The following CCDC7 variants were observed in gnomAD, a reference collection of about 807,000 sequenced individuals.
CCDC7 encodes the protein coiled-coil domain containing 7, also known as coiled-coil domain-containing protein 7.
CCDC7 carries 183 observed loss-of-function variants against 196.9 expected under a neutral mutation model. The ratio of observed to expected loss-of-function variants is 0.93; its 90% confidence interval spans 0.82 to 1.05. The LOEUF (loss-of-function observed/expected upper bound fraction) is 1.05, where lower values mean the gene tolerates loss of function less well. Among genes scored for constraint, CCDC7 ranks in the 50% least tolerant of loss-of-function variants. CCDC7 has a pLI of 0.00. For missense variants in CCDC7, 1,540 were observed against 1,482.2 expected (o/e 1.04, Z -0.64); for synonymous variants, 525 against 484.6 (o/e 1.08, Z -1.10).
At chr10:32,733,518 A>G (rs2084341602) in intron 28 of CCDC7, among the ~76,000 whole-genome samples, 1 of 152,126 alleles carries the variant, frequency 6.6e-6, no homozygotes. Context: ...ATAATTTTCA[A>G]TATCATTGAT....
chr10:32,831,895 A>G (rs2092221837), intron 32 of CCDC7, among the ~76,000 whole-genome samples: 1 of 152,224 alleles, frequency 6.6e-6, no homozygotes, highest in East Asian at 1.9e-4. Flanking sequence ...TATATAAAAC[A>G]GTAACATAGC....
intron 29 of CCDC7, among the ~76,000 whole-genome samples, chr10:32,792,704 G>A (rs1418080630): frequency 6.6e-6 from 1 of 152,156 alleles, no homozygotes; most frequent in Non-Finnish European, 1.5e-5. Context: ...GGAGGCTGAG[G>A]CAGGAGAATC....
At chr10:32,580,456 T>C (rs1323129674) in intron 16 of CCDC7, among the ~76,000 whole-genome samples, 1 of 152,136 alleles carries the variant, frequency 6.6e-6, no homozygotes, top group Non-Finnish European at 1.5e-5. Flanking sequence ...AATATTTTGA[T>C]CAACATTAAT....
Position 32,603,585 on chromosome 10 carries a change from CT to C in CCDC7, c.1801+19294del, listed in dbSNP as rs34143127. The stretch of plus-strand genomic sequence containing the variant: ...TTCCCACCAGCCATGTGTGATAGTT[CT>C]TTTTTTTTTTTTACATCTTTGACAG... On this transcript the variant is annotated intron_variant, in intron 18 of 41. Coordinates refer to ENST00000639629, the Ensembl canonical transcript of CCDC7. 1.3e-3 allele frequency among the ~76,000 whole-genome samples: 181 copies of C among 142,850 alleles called. 1 individual carries two copies. In the East Asian group the frequency reaches 0.024, roughly 19 times the overall value. The allele number at this position is 142,850 out of a possible 152,430, so 93.7% of individuals were successfully genotyped here.
intron 16 of CCDC7, among the ~76,000 whole-genome samples, chr10:32,572,862 G>A (rs1284801940): frequency 1.4e-5 from 2 of 142,856 alleles, no homozygotes; most frequent in East Asian, 4.1e-4. Context: ...GCAAAAGCAT[G>A]GTGCTTTTTT....
chr10:32,862,836 A>G (rs1366077045), intron 41 of CCDC7, among the ~76,000 whole-genome samples: 4 of 152,130 alleles, frequency 2.6e-5, no homozygotes, highest in Non-Finnish European at 5.9e-5. Context: ...TCAACATACA[A>G]AAATCAGATA....
rs1188171556 is a variant in CCDC7, at chr10:32,525,244, TA to T, written c.993+6749del. On this transcript the variant is annotated intron_variant, in intron 11 of 41. Transcript: ENST00000639629. ...ATGTACCCTAGAACTTAAAGCATAATAAAAAAAAAAGAAAAGAAAAAAAAAC... is the reference window on the plus strand; with the variant it reads ...ATGTACCCTAGAACTTAAAGCATAATAAAAAAAAAGAAAAGAAAAAAAAAC... Among the ~76,000 whole-genome samples, 52 of 144,636 alleles carry T rather than the reference TA, an allele frequency of 3.6e-4. No individual in the cohort carries two copies. The Middle Eastern group carries it at 0.011, about 29-fold the overall frequency. 94.9% of individuals were successfully genotyped at this position (144,636 alleles called of 152,430 possible).
intron 21 of CCDC7, among the ~76,000 whole-genome samples, chr10:32,682,086 T>A (rs1309454402): frequency 6.6e-6 from 1 of 152,176 alleles, no homozygotes; most frequent in Non-Finnish European, 1.5e-5. Flanking sequence ...TATTGTGTAT[T>A]GCTGGAGTTC....
chr10:32,834,765 GT>G, intron 32 of CCDC7, 49 bp from the exon 34 acceptor site: 1 of 793,616 alleles, frequency 1.3e-6, no homozygotes, highest in African/African-American at 1.7e-5. Flanking sequence ...ACGGACATAT[GT>G]TACAATTTAC....
rs536276156 is a variant in CCDC7 at position 32,867,549 on chromosome 10, A to G, written c.4112-8798A>G. Among the ~76,000 whole-genome samples, 3 of 151,408 alleles carry G rather than the reference A, an allele frequency of 2.0e-5. No individual in the cohort carries two copies. In the South Asian group the frequency reaches 6.2e-4, roughly 31 times the overall value. On this transcript the variant is annotated intron_variant, in intron 41 of 41. Coordinates refer to ENST00000639629, the Ensembl canonical transcript of CCDC7. ...GTAAACTTGAATTGATAGAAAAATC[A>G]AAAGATTTTTAAAACCCTATTATAC...
At chr10:32,792,371 C>A (rs2082847625) in intron 29 of CCDC7, among the ~76,000 whole-genome samples, 1 of 152,128 alleles carries the variant, frequency 6.6e-6, no homozygotes. Context: ...TCAGAAATAA[C>A]TAAAGCTACA....
At chr10:32,726,942 C>T (rs1312022521) in intron 26 of CCDC7, 110 bp downstream of exon 27, 6 of 658,470 alleles carry the variant, frequency 9.1e-6, no homozygotes, top group East Asian at 6.2e-5. Flanking sequence ...TTATGGAAAT[C>T]GTAGACTTTG....
intron 20 of CCDC7, among the ~76,000 whole-genome samples, chr10:32,650,762 C>T (rs1157658190): frequency 8.5e-5 from 13 of 152,154 alleles, no homozygotes; most frequent in Admixed American, 7.2e-4. Context: ...GCTTGCAACT[C>T]CCTCCTCCAG....
intron 13 of CCDC7, among the ~76,000 whole-genome samples, chr10:32,548,166 G>C (rs2052803592): frequency 6.6e-6 from 1 of 152,206 alleles, no homozygotes; most frequent in African/African-American, 2.4e-5. Flanking sequence ...ACCTGAACAA[G>C]GGAGGGGAAG....
chr10:32,681,317 A>G (rs968861461), intron 21 of CCDC7, among the ~76,000 whole-genome samples: 1 of 152,106 alleles, frequency 6.6e-6, no homozygotes, highest in Non-Finnish European at 1.5e-5. Context: ...CAGAATATTG[A>G]GTCAGAACTG....
chr10:32,631,625 T>G (rs1425998996), intron 18 of CCDC7, among the ~76,000 whole-genome samples: 13 of 151,790 alleles, frequency 8.6e-5, no homozygotes, highest in African/African-American at 2.9e-4. Flanking sequence ...TGGTTCTGGA[T>G]GCCTTAAATT....
chr10:32,500,621 C>T (rs555211347), intron 9 of CCDC7, among the ~76,000 whole-genome samples: 30 of 152,074 alleles, frequency 2.0e-4, no homozygotes, highest in African/African-American at 1.4e-4. Context: ...CAGGCAGAGA[C>T]GCTCCTCACT....
chr10:32,749,370 G>T (rs539758336), intron 28 of CCDC7, among the ~76,000 whole-genome samples: 11 of 152,082 alleles, frequency 7.2e-5, no homozygotes, highest in Non-Finnish European at 1.5e-4. Flanking sequence ...GTGACTTATA[G>T]CATCCTTCCA....
chr10:32,728,473 C>T, intron 26 of CCDC7, among the ~76,000 whole-genome samples: 1 of 152,096 alleles, frequency 6.6e-6, no homozygotes. Flanking sequence ...GTATATATAT[C>T]TGTTCATTTG....
Sources: allele counts gnomAD v4.1 joint callset (sites outside exome capture counted in the v4.1 genomes callset), GRCh38; gene constraint gnomAD v4.1.1; transcripts MANE v1.5; gene names NCBI Gene and HGNC (gene_info 2026-07-23, HGNC 2026-07-21).